FUT6: variants seen among roughly 807,000 people sequenced by gnomAD.
The protein encoded by FUT6 is fucosyltransferase 6, also known as 4-galactosyl-N-acetylglucosaminide 3-alpha-L-fucosyltransferase FUT6.
For synonymous variants in FUT6, 187 were observed against 209.9 expected (o/e 0.89, Z 0.94); for missense variants, 454 against 494.6 (o/e 0.92, Z 0.78).
intron 1 of FUT6, among the ~76,000 whole-genome samples, chr19:5,836,238 G>C (rs1304269387): frequency 1.9e-5 from 1 of 52,818 alleles, no homozygotes; most frequent in African/African-American, 6.4e-5. Context: ...TTTTTGAGAC[G>C]GAGTTTCACT....
Position 5,831,391 on chromosome 19 carries a change from G to A in FUT6, c.*97C>T. On this transcript the variant is annotated 3_prime_UTR_variant, in exon 3 of 3. Coordinates refer to ENST00000318336, the MANE Select transcript of FUT6 (RefSeq NM_000150.4). This position sits in a 1 kb window ranked among gnomAD's most constrained non-coding sequence, Gnocchi z 7.0. ...GCAGGTGAGTCCTCAGGCAGGTGAAGCTTCAGGCAAACGAGTCCTTAGGTA... is the reference window on the plus strand; with the variant it reads ...GCAGGTGAGTCCTCAGGCAGGTGAAACTTCAGGCAAACGAGTCCTTAGGTA... The A allele has an allele frequency of 6.2e-7, 1 of 1,612,266 alleles. No individual in the cohort carries two copies. Among genetic ancestry groups the A allele is most frequent in the Non-Finnish European group, 8.5e-7 (1 of 1,179,960 alleles).
chr19:5,836,078 G>A (rs963850042), intron 1 of FUT6, among the ~76,000 whole-genome samples: 5 of 151,774 alleles, frequency 3.3e-5, no homozygotes, highest in Admixed American at 6.6e-5. Context: ...TAGTAGAGAC[G>A]GAGTTTCACT....
intron 1 of FUT6, among the ~76,000 whole-genome samples, chr19:5,837,546 C>A (rs965691266): frequency 6.6e-5 from 10 of 151,888 alleles, no homozygotes; most frequent in South Asian, 4.2e-4. Context: ...GGGCGAATCA[C>A]CTGAGGTCAG....
intron 1 of FUT6, among the ~76,000 whole-genome samples, chr19:5,835,871 C>CG (rs1265820702): frequency 3.9e-5 from 6 of 152,120 alleles, no homozygotes; most frequent in African/African-American, 1.4e-4. Context: ...ACCATGCTGT[C>CG]GGAAAAACAG....
At position 5,832,360 on chromosome 19, in the gene FUT6, G is replaced by A; in HGVS notation, c.208C>T (p.Pro70Ser). The change falls in exon 3 of 3, where the codon CCT becomes TCT. Residue 70 changes from proline (P) to serine (S), a missense_variant. Coordinates refer to ENST00000318336, the MANE Select transcript of FUT6 (RefSeq NM_000150.4). This position sits in a 1 kb window ranked among gnomAD's most constrained non-coding sequence, Gnocchi z 4.3. The stretch of plus-strand genomic sequence containing the variant: ...GGCAGAGCTATGGGTTTGTTAAAAG[G>A]CCACGTCCACAGCAGGATCAGGGGG... Reference protein sequence around the residue: ...SIPLILLWTWPFNKPIALPRC... With the variant: ...SIPLILLWTWSFNKPIALPRC... 2 of 1,614,054 alleles carry A rather than the reference G, an allele frequency of 1.2e-6. No homozygotes were observed. The highest frequency in any genetic ancestry group is 1.7e-6 in the Non-Finnish European group (2 of 1,180,014).
At position 5,831,670 on chromosome 19, in the gene FUT6, C is replaced by T; in HGVS notation, c.898G>A (p.Asp300Asn). The T allele has an allele frequency of 6.2e-7, 1 of 1,612,346 alleles. No homozygotes were observed. The highest frequency in any genetic ancestry group is 2.2e-5 in the East Asian group (1 of 44,850). The change falls in exon 3 of 3, where the codon GAC becomes AAC. Residue 300 changes from aspartate (D) to asparagine (N), a missense_variant. Coordinates refer to ENST00000318336, the MANE Select transcript of FUT6 (RefSeq NM_000150.4). This position sits in a 1 kb window ranked among gnomAD's most constrained non-coding sequence, Gnocchi z 7.0. ...IHVDDFQSPK[D>N]LARYLQELDK... Reference sequence around the variant, plus strand: ...AGCTCCTGCAGGTACCGGGCCAGGTCCTTGGGGCTCTGGAAGTCGTCCACG... The same window carrying T: ...AGCTCCTGCAGGTACCGGGCCAGGTTCTTGGGGCTCTGGAAGTCGTCCACG...
intron 1 of FUT6, among the ~76,000 whole-genome samples, chr19:5,835,406 C>T (rs1000646425): frequency 1.3e-5 from 2 of 152,198 alleles, no homozygotes; most frequent in Admixed American, 1.3e-4. Flanking sequence ...CCCAAAGTCT[C>T]CCCACCTTAA....
chr19:5,839,285 T>TA lies in FUT6; in HGVS notation c.-750dup, dbSNP rs903798289. ...TCAATTAAAATTGCAGCCTTTTGAA[T>TA]AAAAAAGGGATGGAAGGGCATTCCA... is the stretch of plus-strand genomic sequence containing the variant. On this transcript the variant is annotated 5_prime_UTR_variant, in exon 1 of 3. The change creates a premature stop within an existing upstream ORF in the 5' untranslated region. Transcript: ENST00000318336. 1.3e-5 allele frequency: 2 copies of TA among 152,026 alleles called. No homozygotes were observed. Among genetic ancestry groups the TA allele is most frequent in the Non-Finnish European group, 2.9e-5 (2 of 67,982 alleles). 9.4% of individuals were successfully genotyped at this position (152,026 alleles called of 1,614,324 possible).
In FUT6 at chr19:5,832,483, A is replaced by G. The variant is rs766167185; in HGVS notation, c.85T>C (p.Cys29Arg). Reference sequence around the variant, plus strand: ...GACACACGCAGATAGGAGAAGAAACACACAGCCATCAGCAGCTGAAACAGC... The same window carrying G: ...GACACACGCAGATAGGAGAAGAAACGCACAGCCATCAGCAGCTGAAACAGC... ...TLLFQLLMAV[C>R]FFSYLRVSQD... is the part of the protein sequence containing the mutation. Residue 29 changes from cysteine to arginine, a missense_variant, in exon 3 of 3, where the codon TGT becomes CGT. Physicochemically the swap from Cys to Arg is radical, Grantham distance 180 (BLOSUM62 -3). Transcript: ENST00000318336. This position sits in a 1 kb window ranked among gnomAD's most constrained non-coding sequence, Gnocchi z 4.3. 6.2e-7 allele frequency: 1 copy of G among 1,613,806 alleles called. No homozygotes were observed. The highest frequency in any genetic ancestry group is 1.1e-5 in the South Asian group (1 of 91,078).
rs1483049440 is a variant in FUT6 at position 5,832,451 on chromosome 19, G to A, written c.117C>T (p.Asp39=). The change falls in exon 3 of 3, where the codon GAC becomes GAT. Residue 39 remains aspartate, a synonymous_variant. Transcript: ENST00000318336. This position sits in a 1 kb window ranked among gnomAD's most constrained non-coding sequence, Gnocchi z 4.3. ...ACCCATTAGGGTACACAGTGGGATC[G>A]TCTTGAGACACACGCAGATAGGAGA... ...CFFSYLRVSQ[D]DPTVYPNGSR... The A allele has an allele frequency of 2.5e-6, 4 of 1,613,804 alleles. No individual in the cohort carries two copies. The highest frequency in any genetic ancestry group is 2.2e-5 in the East Asian group (1 of 44,884).
rs772025593 is a variant in FUT6 at position 5,831,022 on chromosome 19, GT to G, written c.*465del. 1.2e-5 allele frequency: 6 copies of G among 493,020 alleles called. No individual in the cohort carries two copies. The highest frequency in any genetic ancestry group is 1.9e-5 in the Non-Finnish European group (5 of 270,066). The allele number at this position is 493,020 out of a possible 1,614,324, so 30.5% of individuals were successfully genotyped here. A position where few individuals can be genotyped will look rare whatever the true frequency, so the allele number is the denominator to read the frequency against. On this transcript the variant is annotated 3_prime_UTR_variant, in exon 3 of 3. Transcript: ENST00000318336. The surrounding 1 kb of genome is among the most constrained non-coding windows in gnomAD (Gnocchi z 7.0). ...AATCAGCCAGAACCATCACTCATGG[GT>G]GGGGCCCCATGGGTGCCAGTTCCCA...
chr19:5,834,829 C>T (rs1599650541), intron 2 of FUT6, 121 bp downstream of exon 2: 1 of 151,992 alleles, frequency 6.6e-6, no homozygotes, highest in Admixed American at 6.6e-5. Context: ...AAAACAAAAA[C>T]AGGAGGAAAC....
Position 5,831,833 on chromosome 19 carries a change from G to A in FUT6, c.735C>T (p.Ala245=), listed in dbSNP as rs1273494625. The stretch of plus-strand genomic sequence containing the variant: ...AGTCGGGGTGCAAGGAGTTCTCGAA[G>A]GCCAGATAGAACTTGTACCGGGACA... ...ETLSRYKFYL[A]FENSLHPDYI... is the part of the protein sequence containing the mutation. Residue 245 remains alanine (A), a synonymous_variant, in exon 3 of 3, where the codon GCC becomes GCT. Transcript: ENST00000318336. The surrounding 1 kb of genome is among the most constrained non-coding windows in gnomAD (Gnocchi z 7.0). The A allele has an allele frequency of 1.2e-6, 2 of 1,613,972 alleles. No homozygotes were observed. The highest frequency in any genetic ancestry group is 1.7e-5 in the Admixed American group (1 of 60,020).
In FUT6 at chr19:5,832,532, C is replaced by A; in HGVS notation, c.36G>T (p.Ser12=). ...DPLGPAKPQW[S]WRCCLTTLLF... is the part of the protein sequence containing the mutation. ...GCAGCGTGGTCAGACAGCAGCGCCACGACCACTGTGGCTTGGCCGGGCCCA... is the reference window on the plus strand; with the variant it reads ...GCAGCGTGGTCAGACAGCAGCGCCAAGACCACTGTGGCTTGGCCGGGCCCA... The change falls in exon 3 of 3, where the codon TCG becomes TCT. Residue 12 remains serine (S), a synonymous_variant. Coordinates refer to ENST00000318336, the MANE Select transcript of FUT6 (RefSeq NM_000150.4). The surrounding 1 kb of genome is among the most constrained non-coding windows in gnomAD (Gnocchi z 4.3). The A allele has an allele frequency of 6.2e-7, 1 of 1,613,650 alleles. No individual in the cohort carries two copies. Among genetic ancestry groups the A allele is most frequent in the Non-Finnish European group, 8.5e-7 (1 of 1,180,008 alleles).
intron 2 of FUT6, among the ~76,000 whole-genome samples, chr19:5,833,524 C>T (rs956768392): frequency 6.0e-4 from 89 of 148,980 alleles, no homozygotes; most frequent in African/African-American, 2.2e-3. Flanking sequence ...GGGTCAAGCA[C>T]GGTGGCTCAT....
intron 1 of FUT6, among the ~76,000 whole-genome samples, chr19:5,836,237 C>T (rs977952407): frequency 3.8e-4 from 17 of 45,092 alleles, no homozygotes; most frequent in African/African-American, 1.1e-3. Flanking sequence ...TTTTTTGAGA[C>T]GGAGTTTCAC....
intron 1 of FUT6, among the ~76,000 whole-genome samples, chr19:5,836,678 A>G (rs1431001475): frequency 2.6e-5 from 4 of 152,032 alleles, no homozygotes; most frequent in Non-Finnish European, 5.9e-5. Context: ...CTCTACAACG[A>G]ATTTTATTAT....
At chr19:5,836,464 C>T (rs1323482062) in intron 1 of FUT6, among the ~76,000 whole-genome samples, 1 of 152,186 alleles carries the variant, frequency 6.6e-6, no homozygotes, top group Non-Finnish European at 1.5e-5. Flanking sequence ...GATCTGCCTG[C>T]CTCGGCCTCC....
At position 5,831,090 on chromosome 19, in the gene FUT6, C is replaced by T. The variant is rs182930080; in HGVS notation, c.*398G>A. 1,067 of 573,620 alleles carry T rather than the reference C, an allele frequency of 1.9e-3. 8 individuals are homozygous for T. The highest frequency in any genetic ancestry group is 0.016 in the Middle Eastern group (34 of 2,144). The allele number at this position is 573,620 out of a possible 1,614,324, so 35.5% of individuals were successfully genotyped here. On this transcript the variant is annotated 3_prime_UTR_variant, in exon 3 of 3. Transcript: ENST00000318336. This position sits in a 1 kb window ranked among gnomAD's most constrained non-coding sequence, Gnocchi z 7.0. ...AGGGTGAGGTCCCCAGCAGGTGAGGCTCCTAGCAGGTGAGATTCAGTGTGG... is the reference window on the plus strand; with the variant it reads ...AGGGTGAGGTCCCCAGCAGGTGAGGTTCCTAGCAGGTGAGATTCAGTGTGG...
Sources: gnomAD v4.1 joint callset for allele counts (sites outside exome capture counted in the v4.1 genomes callset) on GRCh38, gnomAD v4.1.1 for gene constraint, Gnocchi (gnomAD v3.1) non-coding constraint, MANE v1.5 for transcripts, NCBI Gene and HGNC (gene_info 2026-07-23, HGNC 2026-07-21) for gene names.